The following CSMD1 variants were observed in gnomAD, a reference collection of about 807,000 sequenced individuals.
CSMD1 encodes the protein CUB and Sushi multiple domains 1.
In CSMD1, 213 loss-of-function variants were observed where a neutral mutation model predicts 417.5. The ratio of observed to expected loss-of-function variants is 0.51; its 90% CI spans 0.46 to 0.57. The LOEUF (loss-of-function observed/expected upper bound fraction) is 0.57. CSMD1 is among the 20% of genes least tolerant of loss of function. The pLI, the probability that CSMD1 is intolerant of heterozygous loss-of-function variation, is 0.00. For missense variants in CSMD1, 6,923 were observed against 4,529.7 expected (o/e 1.53, Z -15.17); for synonymous variants, 2,862 against 1,736.8 (o/e 1.65, Z -16.11).
At chr8:4,457,180 G>A (rs1799540314) in intron 2 of CSMD1, among the ~76,000 whole-genome samples, 1 of 152,010 alleles carries the variant, frequency 6.6e-6, no homozygotes, top group African/African-American at 2.4e-5. Flanking sequence ...ACCTAGATGT[G>A]AAATGTGTCC....
chr8:3,626,277 A>T (rs534025728), intron 7 of CSMD1, among the ~76,000 whole-genome samples: 49 of 152,298 alleles, frequency 3.2e-4, no homozygotes, highest in African/African-American at 1.1e-3. Context: ...CCTTCTGCAC[A>T]TTTAAGAACT....
intron 3 of CSMD1, among the ~76,000 whole-genome samples, chr8:4,407,448 T>A (rs1291436628): frequency 6.6e-6 from 1 of 152,224 alleles, no homozygotes; most frequent in Non-Finnish European, 1.5e-5. Context: ...TGTGATTAAA[T>A]CAAAAGTATG....
At chr8:4,002,366 C>T (rs1585112837) in intron 4 of CSMD1, among the ~76,000 whole-genome samples, 2 of 152,242 alleles carry the variant, frequency 1.3e-5, no homozygotes, top group Non-Finnish European at 2.9e-5. Context: ...ACTTTCTAAA[C>T]AGCAACATTT....
chr8:3,536,289 T>A (rs754913347), intron 10 of CSMD1, among the ~76,000 whole-genome samples: 1 of 152,200 alleles, frequency 6.6e-6, no homozygotes, highest in Non-Finnish European at 1.5e-5. Flanking sequence ...AACTTGTACT[T>A]AAACTAATTA....
chr8:4,186,528 G>T (rs1431282617), intron 3 of CSMD1, among the ~76,000 whole-genome samples: 1 of 152,094 alleles, frequency 6.6e-6, no homozygotes, highest in Non-Finnish European at 1.5e-5. Flanking sequence ...GAAAACTGGT[G>T]ACTTCACAGC....
intron 3 of CSMD1, among the ~76,000 whole-genome samples, chr8:4,149,911 T>G (rs1400092347): frequency 1.3e-5 from 2 of 152,228 alleles, no homozygotes; most frequent in Non-Finnish European, 2.9e-5. Context: ...GTAATCTACC[T>G]CTTGGTGTTT....
intron 3 of CSMD1, among the ~76,000 whole-genome samples, chr8:4,132,965 G>A (rs908498056): frequency 1.3e-5 from 2 of 151,958 alleles, no homozygotes; most frequent in African/African-American, 4.8e-5. Context: ...ATGGAGTCTC[G>A]CTCTGTTATC....
At chr8:2,999,922 A>C (rs956683421) in intron 53 of CSMD1, 36 bp downstream of exon 53, 5 of 1,562,270 alleles carry the variant, frequency 3.2e-6, no homozygotes, top group African/African-American at 1.4e-5. Flanking sequence ...GGCAAAAGGA[A>C]GCATCGATGA....
chr8:2,961,109 A>G, intron 62 of CSMD1, 32 bp downstream of exon 62: 7 of 1,399,814 alleles, frequency 5.0e-6, no homozygotes, highest in African/African-American at 2.9e-5. Flanking sequence ...ATATTTCCAG[A>G]AAGAAAACAT....
intron 2 of CSMD1, among the ~76,000 whole-genome samples, chr8:4,527,013 C>G (rs1396082769): frequency 6.6e-6 from 1 of 152,162 alleles, no homozygotes; most frequent in South Asian, 2.1e-4. Flanking sequence ...CTTTATAGAG[C>G]TATTGAGCTG....
At chr8:3,165,087 C>T (rs187278650) in intron 37 of CSMD1, among the ~76,000 whole-genome samples, 60 of 152,006 alleles carry the variant, frequency 3.9e-4, no homozygotes, top group African/African-American at 1.4e-3. Context: ...CATGGCCAGA[C>T]TCAGGAAGCA....
chr8:3,558,010 C>T (rs183582113), intron 10 of CSMD1, among the ~76,000 whole-genome samples: 29 of 151,990 alleles, frequency 1.9e-4, no homozygotes, highest in African/African-American at 6.8e-4. Flanking sequence ...GTGTCCACTC[C>T]TCCAATGATG....
At chr8:3,106,406 A>G in intron 46 of CSMD1, 122 bp downstream of exon 46, 2 of 611,404 alleles carry the variant, frequency 3.3e-6, no homozygotes, top group Non-Finnish European at 5.5e-6. Flanking sequence ...TCCAAGATAA[A>G]TAAATAAATA....
At chr8:4,169,498 G>A (rs564506802) in intron 3 of CSMD1, among the ~76,000 whole-genome samples, 1 of 152,208 alleles carries the variant, frequency 6.6e-6, no homozygotes, top group African/African-American at 2.4e-5. Flanking sequence ...CTCTACTGCG[G>A]CCTTGTCTCC....
Position 3,399,257 on chromosome 8 carries a change from T to G in CSMD1, c.2405+134A>C, listed in dbSNP as rs550688542. The G allele has an allele frequency of 3.0e-3, 2,111 of 715,426 alleles. 13 individuals carry two copies. The highest frequency in any genetic ancestry group is 4.1e-3 in the Non-Finnish European group (1,850 of 447,592). The allele number at this position is 715,426 out of a possible 1,614,324, so 44.3% of individuals were successfully genotyped here. On this transcript the variant is annotated intron_variant, in intron 16 of 69. Coordinates refer to ENST00000635120, the MANE Select transcript of CSMD1 (RefSeq NM_033225.6). ...AGAACAAAACTTACAAGTAAGTGCC[T>G]GTTTCTGGTAAAGTGTGCTCCTATG...
At chr8:4,106,118 G>C (rs563362301) in intron 3 of CSMD1, among the ~76,000 whole-genome samples, 5 of 152,170 alleles carry the variant, frequency 3.3e-5, no homozygotes, top group African/African-American at 9.7e-5. Context: ...GTGGGTGGAG[G>C]GAAAGTGACC....
At chr8:3,159,648 G>A (rs1287389485) in intron 38 of CSMD1, among the ~76,000 whole-genome samples, 8 of 151,956 alleles carry the variant, frequency 5.3e-5, no homozygotes, top group Admixed American at 1.3e-4. Flanking sequence ...TTTTGCTCAT[G>A]TGAATGACAA....
At position 4,184,067 on chromosome 8, in the gene CSMD1, A is replaced by C. The variant is rs184358689; in HGVS notation, c.416-151968T>G. Among the ~76,000 whole-genome samples the C allele has an allele frequency of 2.0e-3, 300 of 152,320 alleles. 1 individual carries two copies. The highest frequency in any genetic ancestry group is 7.0e-3 in the African/African-American group (293 of 41,568). ...ATTCTGTTATTATCTACCCTGCAAT[A>C]ATTAGCCACCTTCCCTCTGAAAACT... On this transcript the variant is annotated intron_variant, in intron 3 of 69. Coordinates refer to ENST00000635120, the MANE Select transcript of CSMD1 (RefSeq NM_033225.6).
rs1796257281 is a variant in CSMD1, at chr8:3,188,985, G to A, written c.5425C>T (p.Arg1809Ter). 1.2e-6 allele frequency: 2 copies of A among 1,613,176 alleles called. No individual in the cohort carries two copies. Among genetic ancestry groups the A allele is most frequent in the Non-Finnish European group, 1.7e-6 (2 of 1,179,484 alleles). Residue 1809 changes from arginine (R) to a stop codon, truncating the protein, a stop_gained, in exon 35 of 70, where the codon CGA becomes TGA. Transcript: ENST00000635120. LOFTEE classifies it high-confidence loss of function. ...VVPCSGNFTQ[R>*]RGTILSPGYP... ...CCGGGGGACAGGATTGTACCTCTTCGTTGAGTGAAATTGCCACTGCAGGGT... is the reference window on the plus strand; with the variant it reads ...CCGGGGGACAGGATTGTACCTCTTCATTGAGTGAAATTGCCACTGCAGGGT...
Sources: gnomAD v4.1 joint callset for allele counts (sites outside exome capture counted in the v4.1 genomes callset) on GRCh38, gnomAD v4.1.1 for gene constraint, MANE v1.5 for transcripts, NCBI Gene and HGNC (gene_info 2026-07-23, HGNC 2026-07-21) for gene names.